The following TECPR2 variants were observed in gnomAD, a reference collection of about 807,000 sequenced individuals.
The protein encoded by TECPR2 is tectonin beta-propeller repeat-containing protein 2.
Under a neutral mutation model 138.1 loss-of-function variants are expected in TECPR2, and 65 were observed. The observed-to-expected ratio is 0.47, with a 90% confidence interval of 0.39 to 0.58. The LOEUF is 0.58. Among genes scored for constraint, TECPR2 ranks in the 20% least tolerant of loss-of-function variants. The probability of loss-of-function intolerance (pLI) is 0.00; values close to 1 mark genes in which losing one functional copy is unlikely to be tolerated. For missense variants in TECPR2, 1,553 were observed against 1,824.5 expected (o/e 0.85, Z 2.71); for synonymous variants, 746 against 749.8 (o/e 0.99, Z 0.08).
chr14:102,475,119 G>A (rs1258354926), intron 17 of TECPR2, among the ~76,000 whole-genome samples: 2 of 152,222 alleles, frequency 1.3e-5, no homozygotes, highest in African/African-American at 4.8e-5. Context: ...TGGGCAGAGT[G>A]CCATGGAGCC....
rs1470809950 is a variant in TECPR2 at position 102,434,435 on chromosome 14, G to A, written c.1618G>A (p.Glu540Lys). 1.3e-6 allele frequency: 2 copies of A among 1,535,394 alleles called. No individual in the cohort carries two copies. The change falls in exon 9 of 20, where the codon GAA (glutamate) becomes AAA (lysine). Residue 540 changes from glutamate (E) to lysine (K), a missense_variant. Physicochemically the swap from Glu to Lys is moderately conservative, Grantham distance 56. Coordinates refer to ENST00000359520, the MANE Select transcript of TECPR2 (RefSeq NM_014844.5). The part of the protein sequence containing the change: ...FNGEVNGVPQ[E>K]NTDPETFNVL... ...TGGTGAAGTGAACGGTGTCCCACAG[G>A]AAAATACTGACCCCGAAACGTTTAA...
intron 11 of TECPR2, among the ~76,000 whole-genome samples, chr14:102,441,807 A>G (rs901296212): frequency 2.0e-5 from 3 of 152,230 alleles, no homozygotes; most frequent in African/African-American, 7.2e-5. Context: ...AGCTGTAATG[A>G]CAGTCAGTGT....
intron 16 of TECPR2, among the ~76,000 whole-genome samples, chr14:102,463,502 A>G (rs1001011451): frequency 8.6e-5 from 13 of 151,706 alleles, no homozygotes; most frequent in African/African-American, 3.1e-4. Context: ...ACTGCACTCC[A>G]GCCTGGGCAA....
intron 6 of TECPR2, among the ~76,000 whole-genome samples, chr14:102,426,658 A>G (rs1438207908): frequency 6.6e-6 from 1 of 152,224 alleles, no homozygotes; most frequent in Non-Finnish European, 1.5e-5. Context: ...CAGGAGTTCA[A>G]GGCCAGCCTG....
Position 102,415,775 on chromosome 14 carries a change from G to A in TECPR2, c.638+982G>A, listed in dbSNP as rs565963333. Among the ~76,000 whole-genome samples the A allele has an allele frequency of 1.3e-5, 2 of 152,330 alleles. No individual in the cohort carries two copies. The highest frequency in any genetic ancestry group is 4.1e-4 in the South Asian group (2 of 4,830). ...TCCCAGGAAAGGGCACTGTTTGCCT[G>A]CATAGAATCAGGGGCAGGGCAGCTG... On this transcript the variant is annotated intron_variant, in intron 5 of 19. Transcript: ENST00000359520. The surrounding 1 kb of genome is among the most constrained non-coding windows in gnomAD (Gnocchi z 4.3).
chr14:102,489,361 G>A (rs1366813854), intron 17 of TECPR2, among the ~76,000 whole-genome samples: 1 of 151,626 alleles, frequency 6.6e-6, no homozygotes, highest in Admixed American at 6.6e-5. Context: ...GCTCACACCT[G>A]TAATCCCAGT....
intron 13 of TECPR2, among the ~76,000 whole-genome samples, chr14:102,448,585 G>A (rs1487805997): frequency 6.6e-6 from 1 of 152,166 alleles, no homozygotes; most frequent in Non-Finnish European, 1.5e-5. Context: ...GTTCATCACA[G>A]CCTTGCATGG....
At chr14:102,497,992 C>T in intron 19 of TECPR2, 111 bp from the exon 20 acceptor site, 1 of 892,104 alleles carries the variant, frequency 1.1e-6, no homozygotes, top group Non-Finnish European at 1.6e-6. Context: ...TCCAGTGTCC[C>T]CCACCTAGAA....
intron 2 of TECPR2, among the ~76,000 whole-genome samples, chr14:102,379,670 A>G (rs1887741027): frequency 6.9e-6 from 1 of 144,492 alleles, no homozygotes; most frequent in African/African-American, 2.6e-5. Context: ...AAATCCATGC[A>G]CAGAGGCATC....
In TECPR2 at chr14:102,376,611, G is replaced by A. The variant is rs1597765369; in HGVS notation, c.-72-39G>A. 1.3e-5 allele frequency: 12 copies of A among 936,544 alleles called. No individual in the cohort carries two copies. The East Asian group carries it at 2.6e-4, about 20-fold the overall frequency. The allele number at this position is 936,544 out of a possible 1,614,324, so 58.0% of individuals were successfully genotyped here. ...TATTAAACATACTTCTTTTTGCCAT[G>A]ACTAGGCATTGAAAGGATTGTAATG... On this transcript the variant is annotated intron_variant, in intron 1 of 19. Coordinates refer to ENST00000359520, the MANE Select transcript of TECPR2 (RefSeq NM_014844.5).
chr14:102,488,258 A>G (rs938907707), intron 17 of TECPR2, among the ~76,000 whole-genome samples: 5 of 150,966 alleles, frequency 3.3e-5, no homozygotes, highest in African/African-American at 1.2e-4. Context: ...GGCTCAGGCA[A>G]TTCTCCTGCC....
At chr14:102,385,321 C>T (rs1391406002) in intron 2 of TECPR2, among the ~76,000 whole-genome samples, 1 of 152,132 alleles carries the variant, frequency 6.6e-6, no homozygotes, top group Non-Finnish European at 1.5e-5. Flanking sequence ...GAGGGATCTA[C>T]CCCCATGGCC....
intron 17 of TECPR2, among the ~76,000 whole-genome samples, chr14:102,492,032 C>G (rs972745290): frequency 6.6e-6 from 1 of 152,212 alleles, no homozygotes. Context: ...ACCATGGAAC[C>G]CAGTCTGGGA....
intron 9 of TECPR2, among the ~76,000 whole-genome samples, chr14:102,436,112 G>A (rs1042319884): frequency 2.6e-5 from 4 of 152,038 alleles, no homozygotes; most frequent in Non-Finnish European, 5.9e-5. Context: ...TATAAAATAG[G>A]CACTCTTCTT....
rs369445120 is a variant in TECPR2, at chr14:102,443,197, C to A, written c.2753-450C>A. Among the ~76,000 whole-genome samples, 173 of 152,362 alleles carry A rather than the reference C, an allele frequency of 1.1e-3. No individual in the cohort carries two copies. The highest frequency in any genetic ancestry group is 3.9e-3 in the African/African-American group (164 of 41,596). The stretch of plus-strand genomic sequence containing the variant: ...CTTTGGGCCTCCATCTGGCCACTCT[C>A]CTGCTCTTGGCTTTTGTGTTCTTCT... On this transcript the variant is annotated intron_variant, in intron 11 of 19. Transcript: ENST00000359520. The surrounding 1 kb of genome is among the most constrained non-coding windows in gnomAD (Gnocchi z 4.9).
chr14:102,390,837 G>A (rs756176089), intron 2 of TECPR2, among the ~76,000 whole-genome samples: 1 of 151,602 alleles, frequency 6.6e-6, no homozygotes, highest in Non-Finnish European at 1.5e-5. Context: ...ACCTATCTTA[G>A]CATCTGATTT....
chr14:102,457,623 A>G (rs1187861697), intron 16 of TECPR2, among the ~76,000 whole-genome samples: 1 of 151,950 alleles, frequency 6.6e-6, no homozygotes, highest in Non-Finnish European at 1.5e-5. Context: ...GGCCGGGTGC[A>G]GTGGCTTACA....
chr14:102,397,947 C>T (rs1177711815), intron 2 of TECPR2, among the ~76,000 whole-genome samples: 3 of 151,018 alleles, frequency 2.0e-5, no homozygotes, highest in Non-Finnish European at 1.5e-5. Context: ...GTGGCACAAG[C>T]ATGTAGTCTC....
chr14:102,383,550 G>T (rs1887897752), intron 2 of TECPR2, among the ~76,000 whole-genome samples: 1 of 151,944 alleles, frequency 6.6e-6, no homozygotes, highest in Non-Finnish European at 1.5e-5. Context: ...TGGAATTACA[G>T]GTGCCCGCCA....
Sources: gnomAD v4.1 joint callset for allele counts (sites outside exome capture counted in the v4.1 genomes callset) on GRCh38, gnomAD v4.1.1 for gene constraint, Gnocchi (gnomAD v3.1) non-coding constraint, MANE v1.5 for transcripts, NCBI Gene and HGNC (gene_info 2026-07-23, HGNC 2026-07-21) for gene names.